ZNF16: variants seen among roughly 807,000 people sequenced by gnomAD.
ZNF16 encodes zinc finger protein KOX9.
ZNF16 carries 7 observed loss-of-function variants against 9.0 expected under a neutral mutation model. The observed-to-expected ratio is 0.78, with a 90% CI of 0.44 to 1.47. The LOEUF is 1.47. ZNF16 is among the 40% of genes most tolerant of loss of function. The pLI is 0.01. For missense variants in ZNF16, 830 were observed against 854.2 expected (o/e 0.97, Z 0.35); for synonymous variants, 312 against 301.5 (o/e 1.03, Z -0.36).
chr8:144,942,287 G>T (rs1833821659), intron 2 of ZNF16, among the ~76,000 whole-genome samples: 1 of 148,640 alleles, frequency 6.7e-6, no homozygotes, highest in Admixed American at 6.7e-5. Context: ...CCATTTTTAA[G>T]ATTTTTTTTT....
chr8:144,934,210 G>T (rs1256448482), intron 2 of ZNF16, among the ~76,000 whole-genome samples: 2 of 152,170 alleles, frequency 1.3e-5, no homozygotes, highest in Admixed American at 1.3e-4. Context: ...CTGCACCCAC[G>T]TGTCTCTTGG....
Position 144,930,865 on chromosome 8 carries a change from C to G in ZNF16, c.1922G>C (p.Arg641Pro), listed in dbSNP as rs758904006. ...CCTCTGGTGCTGGATGAGGACCGAA[C>G]GCTGACTGAAGGCTTTCCCACACTC... is the stretch of plus-strand genomic sequence containing the variant. ...CSECGKAFSQ[R>P]SVLIQHQRIH... is the part of the protein sequence containing the mutation. Residue 641 changes from arginine (R) to proline (P), a missense_variant, in exon 3 of 3, where the codon CGT (arginine) becomes CCT (proline). By Grantham distance (103) the Arg-to-Pro change is moderately radical (BLOSUM62 -2). Transcript: ENST00000394909. 3.1e-6 allele frequency: 5 copies of G among 1,605,068 alleles called. No homozygotes were observed. The highest frequency in any genetic ancestry group is 4.3e-6 in the Non-Finnish European group (5 of 1,174,918).
chr8:144,930,653 TG>T lies in ZNF16; in HGVS notation c.*84del. On this transcript the variant is annotated 3_prime_UTR_variant, in exon 3 of 3. Transcript: ENST00000394909. ...GTGAGCTGAGTCCAGGCTTTCGGTC[TG>T]GGAAGTGGCAGAGGCTGAGACAATG... is the stretch of plus-strand genomic sequence containing the variant. The T allele has an allele frequency of 6.9e-7, 1 of 1,453,190 alleles. No homozygotes were observed. The highest frequency in any genetic ancestry group is 9.2e-7 in the Non-Finnish European group (1 of 1,088,658). The allele number at this position is 1,453,190 out of a possible 1,614,324, so 90.0% of individuals were successfully genotyped here. A position where few individuals can be genotyped will look rare whatever the true frequency, so the allele number is the denominator to read the frequency against.
chr8:144,937,125 T>A (rs1343470258), intron 2 of ZNF16, among the ~76,000 whole-genome samples: 1 of 150,212 alleles, frequency 6.7e-6, no homozygotes, highest in Non-Finnish European at 1.5e-5. Context: ...GGATGCTTTT[T>A]TCACTTTCTT....
chr8:144,947,609 G>A (rs1254445033), intron 1 of ZNF16, among the ~76,000 whole-genome samples: 2 of 152,114 alleles, frequency 1.3e-5, no homozygotes, highest in Admixed American at 1.3e-4. Context: ...GCACCATCCT[G>A]GCAGCACCCA....
At chr8:144,938,040 T>C (rs1461421879) in intron 2 of ZNF16, among the ~76,000 whole-genome samples, 1 of 152,210 alleles carries the variant, frequency 6.6e-6, no homozygotes, top group Non-Finnish European at 1.5e-5. Flanking sequence ...CTTTTCTCAT[T>C]GATTGAAAGG....
intron 2 of ZNF16, among the ~76,000 whole-genome samples, chr8:144,941,174 A>C (rs1833788679): frequency 6.6e-6 from 1 of 152,166 alleles, no homozygotes; most frequent in Admixed American, 6.5e-5. Context: ...GGAGTACTGA[A>C]GTCTCTATTA....
intron 1 of ZNF16, among the ~76,000 whole-genome samples, chr8:144,946,848 C>CTGTGTCCTGCTGTTGGGCT (rs1833959669): frequency 2.8e-5 from 2 of 71,040 alleles, no homozygotes; most frequent in African/African-American, 6.0e-5. Context: ...GCTGTTGGGC[C>CTGTGTCCTGCTGTTGGGCT]TGTGTCCTGC....
intron 2 of ZNF16, among the ~76,000 whole-genome samples, chr8:144,943,036 T>C (rs1480595058): frequency 6.6e-6 from 1 of 152,248 alleles, no homozygotes; most frequent in Non-Finnish European, 1.5e-5. Flanking sequence ...GCAGTCTATT[T>C]GTAACAAGCT....
At position 144,932,178 on chromosome 8, in the gene ZNF16, G is replaced by A; in HGVS notation, c.609C>T (p.Pro203=). 4 of 1,614,176 alleles carry A rather than the reference G, an allele frequency of 2.5e-6. No homozygotes were observed. Among genetic ancestry groups the A allele is most frequent in the Non-Finnish European group, 3.4e-6 (4 of 1,180,038 alleles). Residue 203 remains proline, a synonymous_variant, in exon 3 of 3, where the codon CCC becomes CCT. Coordinates refer to ENST00000394909, the MANE Select transcript of ZNF16 (RefSeq NM_006958.3). This position sits in a 1 kb window ranked among gnomAD's most constrained non-coding sequence, Gnocchi z 5.0. ...TACATATGAGTGGACTTTCAGCTGT[G>A]GGAACCCCCTCATGACCAGTTAGGT... ...SVDLTGHEGV[P]TAESPLICNE...
chr8:144,945,678 G>T (rs191787225), intron 2 of ZNF16: 1 of 227,480 alleles, frequency 4.4e-6, no homozygotes, highest in South Asian at 1.2e-4. Context: ...CAAAGCCCTG[G>T]ACCAGAGTAG....
chr8:144,936,608 T>C (rs535742520), intron 2 of ZNF16, among the ~76,000 whole-genome samples: 60 of 152,360 alleles, frequency 3.9e-4, no homozygotes, highest in Non-Finnish European at 7.5e-4. Context: ...CTCATTATGG[T>C]TTTGATTTGC....
rs758916133 is a variant in ZNF16 at position 144,946,053 on chromosome 8, C to A, written c.154G>T (p.Asp52Tyr). Reference protein sequence around the residue: ...SAACGTPCCSDTELEAICPHY... With the variant: ...SAACGTPCCSYTELEAICPHY... The stretch of plus-strand genomic sequence containing the variant: ...GGGCAGATGGCTTCCAGCTCAGTAT[C>A]ACTACAGCAGGGGGTACCACAGGCT... Residue 52 changes from aspartate (D) to tyrosine (Y), a missense_variant, in exon 2 of 3, where the codon GAT (aspartate) becomes TAT (tyrosine). Transcript: ENST00000394909. 3.1e-6 allele frequency: 5 copies of A among 1,613,750 alleles called. No individual in the cohort carries two copies. Among genetic ancestry groups the A allele is most frequent in the Admixed American group, 3.3e-5 (2 of 60,010 alleles).
At chr8:144,934,497 C>G (rs1395022588) in intron 2 of ZNF16, among the ~76,000 whole-genome samples, 1 of 152,254 alleles carries the variant, frequency 6.6e-6, no homozygotes, top group African/African-American at 2.4e-5. Context: ...GTCAGAAGCC[C>G]CAGCCCTGGC....
At position 144,932,699 on chromosome 8, in the gene ZNF16, G is replaced by C; in HGVS notation, c.197-109C>G. On this transcript the variant is annotated intron_variant, in intron 2 of 2. Coordinates refer to ENST00000394909, the MANE Select transcript of ZNF16 (RefSeq NM_006958.3). This position sits in a 1 kb window ranked among gnomAD's most constrained non-coding sequence, Gnocchi z 5.0. Reference sequence around the variant, plus strand: ...CTGTGGAGGAGGCAAGGGGAGCAGGGGATCCTCTGGGGTGGCAGTCCAGAT... The same window carrying C: ...CTGTGGAGGAGGCAAGGGGAGCAGGCGATCCTCTGGGGTGGCAGTCCAGAT... The C allele has an allele frequency of 8.4e-7, 1 of 1,196,758 alleles. No homozygotes were observed. The highest frequency in any genetic ancestry group is 1.2e-6 in the Non-Finnish European group (1 of 853,888). 74.1% of individuals were successfully genotyped at this position (1,196,758 alleles called of 1,614,324 possible).
At chr8:144,943,147 CCT>C (rs1211779012) in intron 2 of ZNF16, among the ~76,000 whole-genome samples, 1 of 152,040 alleles carries the variant, frequency 6.6e-6, no homozygotes, top group Non-Finnish European at 1.5e-5. Context: ...TTTTTTTCCC[CCT>C]CTTAGCAGTT....
At chr8:144,934,376 T>C (rs867728583) in intron 2 of ZNF16, among the ~76,000 whole-genome samples, 1 of 152,258 alleles carries the variant, frequency 6.6e-6, no homozygotes, top group Non-Finnish European at 1.5e-5. Flanking sequence ...AGCACACAGA[T>C]GTGGGTGCCT....
chr8:144,938,477 T>C (rs545004290), intron 2 of ZNF16, among the ~76,000 whole-genome samples: 104 of 152,384 alleles, frequency 6.8e-4, no homozygotes, highest in African/African-American at 2.4e-3. Context: ...TAAATCTCCT[T>C]GGTCAAATTT....
intron 1 of ZNF16, among the ~76,000 whole-genome samples, chr8:144,946,949 G>T (rs1179430601): frequency 4.8e-5 from 5 of 104,994 alleles, no homozygotes; most frequent in African/African-American, 1.4e-4. Context: ...CCTGTACCCT[G>T]CTGTGGGCCT....
Sources: gnomAD v4.1 joint callset for allele counts (sites outside exome capture counted in the v4.1 genomes callset) on GRCh38, gnomAD v4.1.1 for gene constraint, Gnocchi (gnomAD v3.1) non-coding constraint, MANE v1.5 for transcripts, NCBI Gene and HGNC (gene_info 2026-07-23, HGNC 2026-07-21) for gene names.